Variants in SIRT4 observed in about 807,000 individuals in gnomAD.
SIRT4 encodes NAD-dependent protein lipoamidase sirtuin-4, mitochondrial.
Under a neutral mutation model 26.1 loss-of-function variants are expected in SIRT4, and 23 were observed. The ratio of observed to expected loss-of-function variants is 0.88; its 90% CI spans 0.63 to 1.25. The LOEUF (loss-of-function observed/expected upper bound fraction) is 1.25, where lower values mean the gene tolerates loss of function less well. Among genes scored for constraint, SIRT4 ranks in the 50% most tolerant of loss-of-function variants. The pLI, the probability that SIRT4 is intolerant of heterozygous loss-of-function variation, is 0.00. For synonymous variants in SIRT4, 155 were observed against 158.4 expected (o/e 0.98, Z 0.16); for missense variants, 361 against 405.4 (o/e 0.89, Z 0.94).
At position 120,304,017 on chromosome 12, in the gene SIRT4, G is replaced by A. The variant is rs752917367; in HGVS notation, c.456G>A (p.Ala152=). 8 of 1,612,096 alleles carry A rather than the reference G, an allele frequency of 5.0e-6. No individual in the cohort carries two copies. Among genetic ancestry groups the A allele is most frequent in the Admixed American group, 3.3e-5 (2 of 59,976 alleles). Reference sequence around the variant, plus strand: ...ATGTGGATGCTTTGCACACCAAGGCGGGGAGTCGGCGCCTGACAGAGCTCC... The same window carrying A: ...ATGTGGATGCTTTGCACACCAAGGCAGGGAGTCGGCGCCTGACAGAGCTCC... ...TQNVDALHTK[A]GSRRLTELHG... Residue 152 remains alanine, a synonymous_variant, in exon 2 of 4, where the codon GCG becomes GCA. Transcript: ENST00000202967.
Position 120,303,771 on chromosome 12 carries a change from G to T in SIRT4, c.210G>T (p.Gly70=). The part of the protein sequence containing the change: ...MTGAGISTES[G]IPDYRSEKVG... ...GGGCAGGAATCTCCACCGAATCGGG[G>T]ATACCAGACTACAGGTCAGAAAAAG... is the stretch of plus-strand genomic sequence containing the variant. Residue 70 remains glycine, a synonymous_variant, in exon 2 of 4, where the codon GGG becomes GGT. Transcript: ENST00000202967. 3 of 1,614,154 alleles carry T rather than the reference G, an allele frequency of 1.9e-6. No individual in the cohort carries two copies. Among genetic ancestry groups the T allele is most frequent in the Non-Finnish European group, 2.5e-6 (3 of 1,180,022 alleles).
the SIRT4 span, among the ~76,000 whole-genome samples, chr12:120,293,428 G>T: frequency 1.3e-5 from 2 of 152,150 alleles, no homozygotes; most frequent in East Asian, 3.8e-4. Context: ...GGTTTTTGTT[G>T]ATATGAAGCA....
intron 1 of SIRT4, among the ~76,000 whole-genome samples, chr12:120,302,724 T>TC (rs888500517): frequency 6.6e-6 from 1 of 150,512 alleles, no homozygotes; most frequent in African/African-American, 2.4e-5. Context: ...CTTTTTCTTT[T>TC]TTTTTTTTTT....
chr12:120,312,662 G>A lies in SIRT4; in HGVS notation c.704G>A (p.Gly235Glu). 1 of 1,614,074 alleles carries A rather than the reference G, an allele frequency of 6.2e-7. No individual in the cohort carries two copies. Among genetic ancestry groups the A allele is most frequent in the Non-Finnish European group, 8.5e-7 (1 of 1,180,016 alleles). ...GHLKPDVVFF[G>E]DTVNPDKVDF... Reference sequence around the variant, plus strand: ...CTGAAACCAGATGTCGTTTTCTTCGGGGACACAGTGAACCCTGACAAGGTT... The same window carrying A: ...CTGAAACCAGATGTCGTTTTCTTCGAGGACACAGTGAACCCTGACAAGGTT... Residue 235 changes from glycine (G) to glutamate (E), a missense_variant, in exon 3 of 4, where the codon GGG becomes GAG. Coordinates refer to ENST00000202967, the MANE Select transcript of SIRT4 (RefSeq NM_012240.3).
intron 2 of SIRT4, among the ~76,000 whole-genome samples, chr12:120,308,251 C>T (rs1410474604): frequency 6.7e-6 from 1 of 148,794 alleles, no homozygotes; most frequent in African/African-American, 2.5e-5. Context: ...CTCACTGCAA[C>T]CTCCGCCTCC....
chr12:120,296,454 A>C, the SIRT4 span, among the ~76,000 whole-genome samples: 1 of 150,638 alleles, frequency 6.6e-6, no homozygotes, highest in African/African-American at 2.4e-5. Context: ...ACATTTTAAA[A>C]GGCCTGTTTG....
the SIRT4 span, among the ~76,000 whole-genome samples, chr12:120,296,464 G>T: frequency 6.7e-6 from 1 of 150,088 alleles, no homozygotes; most frequent in South Asian, 2.1e-4. Flanking sequence ...AGGCCTGTTT[G>T]ATGCTGATGT....
At chr12:120,306,417 G>A (rs1292792518) in intron 2 of SIRT4, among the ~76,000 whole-genome samples, 1 of 151,964 alleles carries the variant, frequency 6.6e-6, no homozygotes, top group African/African-American at 2.4e-5. Context: ...GGAGGTTGCG[G>A]TGAGCCGAGA....
At chr12:120,292,755 G>C in the SIRT4 span, among the ~76,000 whole-genome samples, 1 of 149,114 alleles carries the variant, frequency 6.7e-6, no homozygotes, top group Non-Finnish European at 1.5e-5. Context: ...AAAGTTTGCA[G>C]CGAGCCGAGA....
At chr12:120,296,086 CAAAAAAAAAAAAA>C in the SIRT4 span, among the ~76,000 whole-genome samples, 1 of 40,192 alleles carries the variant, frequency 2.5e-5, no homozygotes, top group African/African-American at 1.1e-4. Flanking sequence ...GACTCCGTCT[CAAAAAAAAAAAAA>C]AAAAAAAAAA....
upstream of SIRT4, among the ~76,000 whole-genome samples, chr12:120,301,113 A>G (rs558227191): frequency 3.3e-5 from 5 of 152,200 alleles, no homozygotes; most frequent in Admixed American, 6.5e-5. Context: ...TTGGGAGGCT[A>G]GGGTGGGCAG....
chr12:120,311,048 TAAAAAAAA>T (rs761606021), intron 2 of SIRT4, among the ~76,000 whole-genome samples: 24 of 69,302 alleles, frequency 3.5e-4, no homozygotes, highest in South Asian at 8.2e-4. Flanking sequence ...CCCTGTCTCT[TAAAAAAAA>T]AAAAAAAAAA....
At chr12:120,293,822 A>G in the SIRT4 span, among the ~76,000 whole-genome samples, 3 of 142,592 alleles carry the variant, frequency 2.1e-5, no homozygotes, top group African/African-American at 8.0e-5. Flanking sequence ...CCTCTTTTCT[A>G]CTTTCTATCT....
the SIRT4 span, among the ~76,000 whole-genome samples, chr12:120,292,942 G>C: frequency 1.3e-5 from 2 of 152,162 alleles, no homozygotes; most frequent in Non-Finnish European, 2.9e-5. Context: ...CACTAAAACA[G>C]GTAAACTTGC....
At chr12:120,293,085 A>C in the SIRT4 span, 2 of 79,808 alleles carry the variant, frequency 2.5e-5, no homozygotes, top group African/African-American at 3.8e-5. Context: ...GTTCAACTGC[A>C]AGAAAATTCA....
upstream of SIRT4, among the ~76,000 whole-genome samples, chr12:120,297,316 C>CAAAAAAAAAAAAAAAA: frequency 1.5e-5 from 1 of 67,658 alleles, no homozygotes; most frequent in Non-Finnish European, 2.8e-5. Flanking sequence ...CGCCTGTAAT[C>CAAAAAAAAAAAAAAAA]AAAAAAAAAA....
At chr12:120,308,327 C>T (rs1333933238) in intron 2 of SIRT4, among the ~76,000 whole-genome samples, 1 of 151,790 alleles carries the variant, frequency 6.6e-6, no homozygotes, top group Non-Finnish European at 1.5e-5. Context: ...CTGCCACCAC[C>T]CCCAGCTAAT....
At chr12:120,298,362 A>G (rs1031613660), upstream of SIRT4, among the ~76,000 whole-genome samples, 11 of 152,086 alleles carry the variant, frequency 7.2e-5, no homozygotes, top group African/African-American at 2.7e-4. Flanking sequence ...TAATCACAAC[A>G]CTTTGGAAAG....
At chr12:120,311,777 G>C (rs1036972449) in intron 2 of SIRT4, among the ~76,000 whole-genome samples, 15 of 136,180 alleles carry the variant, frequency 1.1e-4, no homozygotes, top group Non-Finnish European at 1.7e-4. Context: ...GGTGAGAAGA[G>C]AACCAGGAGA....
Sources: gnomAD v4.1 joint callset for allele counts (sites outside exome capture counted in the v4.1 genomes callset) on GRCh38, gnomAD v4.1.1 for gene constraint, MANE v1.5 for transcripts, NCBI Gene and HGNC (gene_info 2026-07-23, HGNC 2026-07-21) for gene names.